Variants in LGR5 observed in about 807,000 individuals in gnomAD.
The protein encoded by LGR5 is leucine-rich repeat-containing G protein-coupled receptor 5.
In LGR5, 54 loss-of-function variants were observed where a neutral mutation model predicts 76.7. That is an observed-to-expected ratio of 0.70 (90% CI 0.57 to 0.88). The LOEUF (loss-of-function observed/expected upper bound fraction) is 0.88, where lower values mean the gene tolerates loss of function less well. Among genes scored for constraint, LGR5 ranks in the 40% least tolerant of loss-of-function variants. The probability of loss-of-function intolerance (pLI) is 0.00; values close to 1 mark genes in which losing one functional copy is unlikely to be tolerated. For synonymous variants in LGR5, 406 were observed against 421.9 expected (o/e 0.96, Z 0.46); for missense variants, 1,078 against 1,073.3 (o/e 1.00, Z -0.06).
At chr12:71,495,679 G>T (rs981623943) in intron 1 of LGR5, among the ~76,000 whole-genome samples, 1 of 151,118 alleles carries the variant, frequency 6.6e-6, no homozygotes, top group Non-Finnish European at 1.5e-5. Flanking sequence ...CTTCCTCAAG[G>T]TTACTCAACT....
At position 71,440,376 on chromosome 12, in the gene LGR5, C is replaced by T; in HGVS notation, c.212+84C>T. 1 of 1,332,296 alleles carries T rather than the reference C, an allele frequency of 7.5e-7. No homozygotes were observed. Among genetic ancestry groups the T allele is most frequent in the Non-Finnish European group, 1.1e-6 (1 of 951,976 alleles). 82.5% of individuals were successfully genotyped at this position (1,332,296 alleles called of 1,614,324 possible). ...CAAGGCGAGGCTGGAGGCTCCTCGGCGCCCGCCTGCTCGTGGGGGAGGGGG... is the reference window on the plus strand; with the variant it reads ...CAAGGCGAGGCTGGAGGCTCCTCGGTGCCCGCCTGCTCGTGGGGGAGGGGG... On this transcript the variant is annotated intron_variant, in intron 1 of 17. Coordinates refer to ENST00000266674, the MANE Select transcript of LGR5 (RefSeq NM_003667.4). This position sits in a 1 kb window ranked among gnomAD's most constrained non-coding sequence, Gnocchi z 5.3.
intron 6 of LGR5, among the ~76,000 whole-genome samples, chr12:71,558,744 G>A (rs778258320): frequency 3.9e-5 from 6 of 152,230 alleles, no homozygotes; most frequent in East Asian, 1.9e-4. Flanking sequence ...GTTTTTCTGC[G>A]TCATCTGGGA....
At chr12:71,492,699 G>A (rs1215204522) in intron 1 of LGR5, among the ~76,000 whole-genome samples, 1 of 152,136 alleles carries the variant, frequency 6.6e-6, no homozygotes, top group Non-Finnish European at 1.5e-5. Flanking sequence ...TACTAGAGTG[G>A]ACAATCTTTT....
chr12:71,557,459 A>G (rs2137421836), intron 6 of LGR5, among the ~76,000 whole-genome samples: 1 of 152,346 alleles, frequency 6.6e-6, no homozygotes, highest in South Asian at 2.1e-4. Context: ...GTTATTACAT[A>G]TCTAGTCAGT....
intron 4 of LGR5, among the ~76,000 whole-genome samples, chr12:71,541,113 G>C (rs1423159613): frequency 6.6e-6 from 1 of 152,164 alleles, no homozygotes; most frequent in Non-Finnish European, 1.5e-5. Context: ...TCAGCACCCA[G>C]TGAATTCTTA....
intron 3 of LGR5, among the ~76,000 whole-genome samples, chr12:71,529,415 A>G (rs1247307363): frequency 1.3e-5 from 2 of 152,142 alleles, no homozygotes; most frequent in South Asian, 2.1e-4. Context: ...CTCACTCACT[A>G]TCATGAGAAC....
intron 8 of LGR5, among the ~76,000 whole-genome samples, chr12:71,562,081 G>C (rs1878088563): frequency 6.6e-6 from 1 of 151,998 alleles, no homozygotes; most frequent in Admixed American, 6.6e-5. Flanking sequence ...AGATGTGCTA[G>C]GTATCTTTAA....
At chr12:71,546,010 TGGCAGG>T (rs1250490126) in intron 4 of LGR5, among the ~76,000 whole-genome samples, 1 of 152,186 alleles carries the variant, frequency 6.6e-6, no homozygotes, top group African/African-American at 2.4e-5. Context: ...TTTTATTTGG[TGGCAGG>T]GGCAGGTGGG....
chr12:71,579,092 G>A (rs1456716534), intron 15 of LGR5, among the ~76,000 whole-genome samples, 163 bp downstream of exon 15: 1 of 152,168 alleles, frequency 6.6e-6, no homozygotes, highest in Non-Finnish European at 1.5e-5. Flanking sequence ...AAGCCCTGAA[G>A]TGGGAAAATG....
chr12:71,552,846 A>G (rs1224919232), intron 4 of LGR5, among the ~76,000 whole-genome samples: 2 of 152,152 alleles, frequency 1.3e-5, no homozygotes, highest in Non-Finnish European at 2.9e-5. Flanking sequence ...GAAGAGAATT[A>G]TAGCACCATG....
intron 2 of LGR5, among the ~76,000 whole-genome samples, chr12:71,517,601 G>A (rs1009240687): frequency 6.6e-6 from 1 of 152,202 alleles, no homozygotes; most frequent in African/African-American, 2.4e-5. Flanking sequence ...ACACCTAGTT[G>A]AAGGCTATGT....
chr12:71,447,399 T>C (rs570416676), intron 1 of LGR5, among the ~76,000 whole-genome samples: 2 of 152,336 alleles, frequency 1.3e-5, no homozygotes, highest in African/African-American at 4.8e-5. Context: ...TTTATTGTAT[T>C]ACAAAGTCAA....
At chr12:71,543,828 A>T (rs1257875111) in intron 4 of LGR5, among the ~76,000 whole-genome samples, 11 of 152,220 alleles carry the variant, frequency 7.2e-5, no homozygotes, top group Admixed American at 5.2e-4. Flanking sequence ...AATGGAAAGA[A>T]CTTAGTGAAT....
rs1429187773 is a variant in LGR5, at chr12:71,534,931, T to C, written c.357-184T>C. 2.6e-5 allele frequency among the ~76,000 whole-genome samples: 4 copies of C among 152,346 alleles called. No homozygotes were observed. The East Asian group carries it at 7.7e-4, about 29-fold the overall frequency. On this transcript the variant is annotated intron_variant, in intron 3 of 17. Transcript: ENST00000266674. Reference sequence around the variant, plus strand: ...CATAGTACTTATCACTTGTCTCATGTTAATATATTCATTTGTTCATCTTTA... The same window carrying C: ...CATAGTACTTATCACTTGTCTCATGCTAATATATTCATTTGTTCATCTTTA...
Position 71,572,839 on chromosome 12 carries a change from T to C in LGR5, c.1137-11T>C. 1 of 1,608,394 alleles carries C rather than the reference T, an allele frequency of 6.2e-7. No individual in the cohort carries two copies. The highest frequency in any genetic ancestry group is 8.5e-7 in the Non-Finnish European group (1 of 1,175,132). Reference sequence around the variant, plus strand: ...ACTTTGAAATCAATCTTTGGAACCCTGTCATTTCAGTGACCTAAGACATAA... The same window carrying C: ...ACTTTGAAATCAATCTTTGGAACCCCGTCATTTCAGTGACCTAAGACATAA... On this transcript the variant is annotated splice_polypyrimidine_tract_variant and intron_variant, in intron 12 of 17. Coordinates refer to ENST00000266674, the MANE Select transcript of LGR5 (RefSeq NM_003667.4).
At chr12:71,501,470 A>C (rs150551838) in intron 1 of LGR5, among the ~76,000 whole-genome samples, 21 of 152,318 alleles carry the variant, frequency 1.4e-4, no homozygotes, top group Middle Eastern at 3.4e-3. Flanking sequence ...CCTCTCTAAC[A>C]GCCAAACATT....
chr12:71,517,002 T>TAA (rs11321068), intron 2 of LGR5, among the ~76,000 whole-genome samples: 4 of 144,638 alleles, frequency 2.8e-5, no homozygotes, highest in Admixed American at 1.4e-4. Context: ...GAAACAGCAT[T>TAA]AAAAAAAAAA....
At chr12:71,473,500 A>G (rs1458061686) in intron 1 of LGR5, among the ~76,000 whole-genome samples, 1 of 152,126 alleles carries the variant, frequency 6.6e-6, no homozygotes, top group East Asian at 1.9e-4. Flanking sequence ...AAGTCGGGGC[A>G]TAATGGCTCA....
chr12:71,550,461 C>CTTT (rs71068776), intron 4 of LGR5, among the ~76,000 whole-genome samples: 12 of 132,062 alleles, frequency 9.1e-5, no homozygotes, highest in Non-Finnish European at 1.6e-4. Flanking sequence ...CTCATACTTT[C>CTTT]TTTTTTTTTT....
Sources: allele counts gnomAD v4.1 joint callset (sites outside exome capture counted in the v4.1 genomes callset), GRCh38; gene constraint gnomAD v4.1.1; non-coding constraint Gnocchi (gnomAD v3.1); transcripts MANE v1.5; gene names NCBI Gene and HGNC (gene_info 2026-07-23, HGNC 2026-07-21).